Variants in S100A7A observed in about 807,000 individuals in gnomAD.
The protein encoded by S100A7A is S100 calcium binding protein A7A, also known as protein S100-A7A.
In S100A7A, 5 loss-of-function variants were observed where a neutral mutation model predicts 4.0. The observed-to-expected ratio is 1.26, with a 90% CI of 0.66 to 2.66. The LOEUF (loss-of-function observed/expected upper bound fraction) is 2.66, where lower values mean the gene tolerates loss of function less well. S100A7A is among the 30% of genes most tolerant of loss of function. The pLI, the probability that S100A7A is intolerant of heterozygous loss-of-function variation, is 0.01. For synonymous variants in S100A7A, 52 were observed against 46.4 expected (o/e 1.12, Z -0.49); for missense variants, 159 against 125.1 (o/e 1.27, Z -1.29).
At chr1:153,417,481 C>T (rs1248768029) in intron 1 of S100A7A, among the ~76,000 whole-genome samples, 6 of 152,150 alleles carry the variant, frequency 3.9e-5, no homozygotes, top group Non-Finnish European at 8.8e-5. Flanking sequence ...CCCCTGTCCT[C>T]GGGAGAGGGC....
chr1:153,417,425 CA>C (rs1662753083), intron 1 of S100A7A: 1 of 152,616 alleles, frequency 6.6e-6, no homozygotes, highest in African/African-American at 2.4e-5. Context: ...TTCCTTGTAA[CA>C]GAGGCAATTC....
In S100A7A at chr1:153,421,336, C is replaced by T. The variant is rs1351168035; in HGVS notation, c.*2027C>T. 1.3e-5 allele frequency: 2 copies of T among 152,188 alleles called. No homozygotes were observed. The highest frequency in any genetic ancestry group is 2.9e-5 in the Non-Finnish European group (2 of 68,034). 9.4% of individuals were successfully genotyped at this position (152,188 alleles called of 1,614,324 possible). ...TCCCTCACCATGACCCCACTCTTACCATAGTGGCTACATTACTTCAGATTC... is the reference window on the plus strand; with the variant it reads ...TCCCTCACCATGACCCCACTCTTACTATAGTGGCTACATTACTTCAGATTC... On this transcript the variant is annotated 3_prime_UTR_variant, in exon 3 of 3. Coordinates refer to ENST00000368729, the MANE Select transcript of S100A7A (RefSeq NM_176823.4).
chr1:153,417,378 C>T (rs1479826447), intron 1 of S100A7A: 2 of 152,332 alleles, frequency 1.3e-5, no homozygotes, highest in Non-Finnish European at 2.9e-5. Flanking sequence ...TCACTCCCAC[C>T]CCATCCAGCA....
At position 153,420,253 on chromosome 1, in the gene S100A7A, A is replaced by C. The variant is rs1249265009; in HGVS notation, c.*944A>C. Reference sequence around the variant, plus strand: ...CCAGGCAGTGTGTTATGGGCTGAGGATGCAGAAACAGGCAGGACACAGTGC... The same window carrying C: ...CCAGGCAGTGTGTTATGGGCTGAGGCTGCAGAAACAGGCAGGACACAGTGC... On this transcript the variant is annotated 3_prime_UTR_variant, in exon 3 of 3. Coordinates refer to ENST00000368729, the MANE Select transcript of S100A7A (RefSeq NM_176823.4). 6.6e-6 allele frequency: 1 copy of C among 152,176 alleles called. No homozygotes were observed. Among genetic ancestry groups the C allele is most frequent in the Non-Finnish European group, 1.5e-5 (1 of 68,066 alleles). The allele number at this position is 152,176 out of a possible 1,614,324, so 9.4% of individuals were successfully genotyped here.
intron 2 of S100A7A, 72 bp downstream of exon 2, chr1:153,418,295 C>G (rs1355999693): frequency 6.3e-7 from 1 of 1,589,768 alleles, no homozygotes; most frequent in African/African-American, 1.3e-5. Flanking sequence ...GCTATGTGGC[C>G]TTGGACAGGT....
rs1319547891 is a variant in S100A7A at position 153,419,627 on chromosome 1, C to A, written c.*318C>A. On this transcript the variant is annotated 3_prime_UTR_variant, in exon 3 of 3. Transcript: ENST00000368729. ...GGTGGAAGTTGGTAGAAGGCCCCTG[C>A]CAGGTCACAGCAATGCTCTCCTTGT... 2 of 364,554 alleles carry A rather than the reference C, an allele frequency of 5.5e-6. No homozygotes were observed. The highest frequency in any genetic ancestry group is 1.0e-5 in the Non-Finnish European group (2 of 199,974). The allele number at this position is 364,554 out of a possible 1,614,324, so 22.6% of individuals were successfully genotyped here.
chr1:153,421,265 C>T lies in S100A7A; in HGVS notation c.*1956C>T, dbSNP rs554210185. 38 of 152,274 alleles carry T rather than the reference C, an allele frequency of 2.5e-4. No individual in the cohort carries two copies. Among genetic ancestry groups the T allele is most frequent in the Non-Finnish European group, 4.3e-4 (29 of 68,020 alleles). 9.4% of individuals were successfully genotyped at this position (152,274 alleles called of 1,614,324 possible). On this transcript the variant is annotated 3_prime_UTR_variant, in exon 3 of 3. Transcript: ENST00000368729. ...TCTCTTAGACATTCAGAGGGTGAAC[C>T]ACCATCCCTTCACCCCAAAGAAATG...
chr1:153,418,336 A>G (rs1464079578), intron 2 of S100A7A, 113 bp downstream of exon 2: 1 of 1,413,130 alleles, frequency 7.1e-7, no homozygotes, highest in East Asian at 2.3e-5. Flanking sequence ...AAAGTTTCCC[A>G]TTTGCAAATA....
chr1:153,422,442 G>A lies in S100A7A; in HGVS notation c.*3133G>A, dbSNP rs1662921714. 3.2e-5 allele frequency: 28 copies of A among 877,854 alleles called. No individual in the cohort carries two copies. The highest frequency in any genetic ancestry group is 3.6e-5 in the Non-Finnish European group (26 of 732,090). The allele number at this position is 877,854 out of a possible 1,614,324, so 54.4% of individuals were successfully genotyped here. ...CTAGAGCAAGAATTTACTTGATTTGGAATAATTAATAGCTACTGGACATTA... is the reference window on the plus strand; with the variant it reads ...CTAGAGCAAGAATTTACTTGATTTGAAATAATTAATAGCTACTGGACATTA... On this transcript the variant is annotated 3_prime_UTR_variant, in exon 3 of 3. Transcript: ENST00000368729.
chr1:153,417,166 C>T (rs1233218215), intron 1 of S100A7A: 1 of 152,334 alleles, frequency 6.6e-6, no homozygotes, highest in African/African-American at 2.4e-5. Flanking sequence ...TAGCCAAGGT[C>T]CTTTTCTGGT....
At chr1:153,418,036 G>A in intron 1 of S100A7A, 30 bp from the exon 2 acceptor site, 1 of 1,611,122 alleles carries the variant, frequency 6.2e-7, no homozygotes, top group South Asian at 1.1e-5. Context: ...TCAAACTAAG[G>A]TAAGAAATGA....
rs568972056 is a variant in S100A7A, at chr1:153,422,519, T to C, written c.*3210T>C. 174 of 985,166 alleles carry C rather than the reference T, an allele frequency of 1.8e-4. No homozygotes were observed. Among genetic ancestry groups the C allele is most frequent in the Non-Finnish European group, 2.0e-4 (166 of 829,810 alleles). The allele number at this position is 985,166 out of a possible 1,614,324, so 61.0% of individuals were successfully genotyped here. A position where few individuals can be genotyped will look rare whatever the true frequency, so the allele number is the denominator to read the frequency against. On this transcript the variant is annotated 3_prime_UTR_variant, in exon 3 of 3. Coordinates refer to ENST00000368729, the MANE Select transcript of S100A7A (RefSeq NM_176823.4). ...TGACAGCTCTATGCCCACACTCACA[T>C]TACAGCTGATGTGAAAGAGATTCTG...
chr1:153,418,037 T>A (rs755695498), intron 1 of S100A7A, 29 bp from the exon 2 acceptor site: 6 of 1,611,160 alleles, frequency 3.7e-6, no homozygotes, highest in East Asian at 4.5e-5. Context: ...CAAACTAAGG[T>A]AAGAAATGAT....
In S100A7A at chr1:153,421,971, T is replaced by C. The variant is rs530806407; in HGVS notation, c.*2662T>C. Reference sequence around the variant, plus strand: ...GAGACTATTTCACACTCTCCATGCTTATGTCAATGCAGGACTCATCACATC... The same window carrying C: ...GAGACTATTTCACACTCTCCATGCTCATGTCAATGCAGGACTCATCACATC... On this transcript the variant is annotated 3_prime_UTR_variant, in exon 3 of 3. Coordinates refer to ENST00000368729, the MANE Select transcript of S100A7A (RefSeq NM_176823.4). The C allele has an allele frequency of 1.3e-5, 2 of 152,388 alleles. No individual in the cohort carries two copies. Among genetic ancestry groups the C allele is most frequent in the Non-Finnish European group, 2.9e-5 (2 of 68,040 alleles). The allele number at this position is 152,388 out of a possible 1,614,324, so 9.4% of individuals were successfully genotyped here. A position where few individuals can be genotyped will look rare whatever the true frequency, so the allele number is the denominator to read the frequency against.
Position 153,423,023 on chromosome 1 carries a change from T to A in S100A7A, c.*3714T>A, listed in dbSNP as rs1662936653. 1 of 152,164 alleles carries A rather than the reference T, an allele frequency of 6.6e-6. No individual in the cohort carries two copies. Among genetic ancestry groups the A allele is most frequent in the Admixed American group, 6.5e-5 (1 of 15,278 alleles). The allele number at this position is 152,164 out of a possible 1,614,324, so 9.4% of individuals were successfully genotyped here. ...TCACAGATTTTATATATATACTTTT[T>A]TTTAACTAAGTGTGAGATAATATCT... On this transcript the variant is annotated 3_prime_UTR_variant, in exon 3 of 3. Coordinates refer to ENST00000368729, the MANE Select transcript of S100A7A (RefSeq NM_176823.4).
Position 153,419,600 on chromosome 1 carries a change from C to T in S100A7A, c.*291C>T. Reference sequence around the variant, plus strand: ...TAAATGCAGCCACCTTGGCAGGTTCCAGGTGGAAGTTGGTAGAAGGCCCCT... The same window carrying T: ...TAAATGCAGCCACCTTGGCAGGTTCTAGGTGGAAGTTGGTAGAAGGCCCCT... On this transcript the variant is annotated 3_prime_UTR_variant, in exon 3 of 3. Coordinates refer to ENST00000368729, the MANE Select transcript of S100A7A (RefSeq NM_176823.4). 1 of 409,946 alleles carries T rather than the reference C, an allele frequency of 2.4e-6. No individual in the cohort carries two copies. The highest frequency in any genetic ancestry group is 4.4e-6 in the Non-Finnish European group (1 of 228,826). 25.4% of individuals were successfully genotyped at this position (409,946 alleles called of 1,614,324 possible).
Position 153,422,218 on chromosome 1 carries a change from C to G in S100A7A, c.*2909C>G, listed in dbSNP as rs1055514948. 2.0e-5 allele frequency: 3 copies of G among 152,274 alleles called. No individual in the cohort carries two copies. The highest frequency in any genetic ancestry group is 2.0e-4 in the Admixed American group (3 of 15,288). 9.4% of individuals were successfully genotyped at this position (152,274 alleles called of 1,614,324 possible). ...AAGAGGAGAGGGGACCAGACCATCT[C>G]CGCAACCACAGCCCAGAGCTCCAGT... is the stretch of plus-strand genomic sequence containing the variant. On this transcript the variant is annotated 3_prime_UTR_variant, in exon 3 of 3. Coordinates refer to ENST00000368729, the MANE Select transcript of S100A7A (RefSeq NM_176823.4).
intron 1 of S100A7A, chr1:153,417,242 C>A (rs1218089329): frequency 6.6e-6 from 1 of 152,236 alleles, no homozygotes; most frequent in East Asian, 1.9e-4. Flanking sequence ...GCAGGGCAGC[C>A]CAGGCTGGCT....
Position 153,419,028 on chromosome 1 carries a change from G to C in S100A7A, c.142-117G>C, listed in dbSNP as rs12063379. ...ACTCACCCTGTGCTCTCAGCCCCAC[G>C]ACCATGCCTGTGCAGATCTAGGTAC... On this transcript the variant is annotated intron_variant, in intron 2 of 2. Transcript: ENST00000368729. 6,688 of 1,110,460 alleles carry C rather than the reference G, an allele frequency of 6.0e-3. 258 individuals are homozygous for C. In the African/African-American group the frequency reaches 0.089, roughly 15 times the overall value. 68.8% of individuals were successfully genotyped at this position (1,110,460 alleles called of 1,614,324 possible). A position where few individuals can be genotyped will look rare whatever the true frequency, so the allele number is the denominator to read the frequency against.
Sources: gnomAD v4.1 joint callset for allele counts (sites outside exome capture counted in the v4.1 genomes callset) on GRCh38, gnomAD v4.1.1 for gene constraint, MANE v1.5 for transcripts, NCBI Gene and HGNC (gene_info 2026-07-23, HGNC 2026-07-21) for gene names.